The following IFI16 variants were observed in gnomAD, a reference collection of about 807,000 sequenced individuals.
IFI16 encodes interferon gamma inducible protein 16, also known as gamma-interferon-inducible protein 16.
IFI16 carries 49 observed loss-of-function variants against 68.4 expected under a neutral mutation model. The observed-to-expected ratio is 0.72, with a 90% CI of 0.57 to 0.91. IFI16 has a LOEUF of 0.91. IFI16 is among the 40% of genes least tolerant of loss of function. The probability of loss-of-function intolerance (pLI) is 0.00; values close to 1 mark genes in which losing one functional copy is unlikely to be tolerated. For missense variants in IFI16, 878 were observed against 942.9 expected, an observed-to-expected ratio of 0.93 and a Z score of 0.90; for synonymous variants, 307 against 315.0, an observed-to-expected ratio of 0.97 and a Z score of 0.27.
chr1:159,000,656 C>T (rs1362988606), intron 1 of IFI16, among the ~76,000 whole-genome samples: 2 of 152,176 alleles, frequency 1.3e-5, no homozygotes, highest in Non-Finnish European at 2.9e-5. Context: ...AATTTTTTGA[C>T]ATGTATACAG....
At chr1:159,015,131 G>C (rs1391970490) in intron 2 of IFI16, among the ~76,000 whole-genome samples, 186 bp downstream of exon 2, 1 of 152,152 alleles carries the variant, frequency 6.6e-6, no homozygotes, top group South Asian at 2.1e-4. Context: ...TACTGGTGTA[G>C]ATTGAAGTAT....
chr1:159,005,426 T>A (rs1170542376), upstream of IFI16, among the ~76,000 whole-genome samples: 2 of 152,264 alleles, frequency 1.3e-5, no homozygotes, highest in South Asian at 2.1e-4. Flanking sequence ...TCATGACTGG[T>A]TCACATCACT....
chr1:159,016,717 C>T lies in IFI16; in HGVS notation c.549+17C>T, dbSNP rs1470312742. The T allele has an allele frequency of 1.3e-6, 2 of 1,596,364 alleles. No homozygotes were observed. The highest frequency in any genetic ancestry group is 2.7e-5 in the African/African-American group (2 of 74,156). On this transcript the variant is annotated intron_variant, in intron 4 of 11. Transcript: ENST00000295809. Reference sequence around the variant, plus strand: ...TCAACTGAGGTACACTCTTCCTGGTCCCATTTTGCTTTGTTTTTTTCAACC... The same window carrying T: ...TCAACTGAGGTACACTCTTCCTGGTTCCATTTTGCTTTGTTTTTTTCAACC...
chr1:159,047,638 T>A (rs1293486798), intron 8 of IFI16, among the ~76,000 whole-genome samples: 1 of 150,656 alleles, frequency 6.6e-6, no homozygotes, highest in Non-Finnish European at 1.5e-5. Context: ...CACCACGTAG[T>A]CATTTCTTCT....
chr1:159,029,035 G>A (rs923238848), intron 6 of IFI16, among the ~76,000 whole-genome samples: 3 of 152,108 alleles, frequency 2.0e-5, no homozygotes, highest in Non-Finnish European at 4.4e-5. Context: ...CATGCCATTT[G>A]CTGCCTAAAT....
At chr1:159,016,027 AG>A (rs776418331) in intron 3 of IFI16, 40 bp downstream of exon 3, 1 of 1,317,648 alleles carries the variant, frequency 7.6e-7, no homozygotes, top group South Asian at 1.2e-5. Flanking sequence ...AGTCCCACAG[AG>A]GAAGCTCTGC....
chr1:159,052,014 A>G lies in IFI16; in HGVS notation c.2001A>G (p.Arg667=), dbSNP rs1655395013. ...TGGAGATCCCAAAAGGATTGATTAG[A>G]AGTGCCAGCGTAACTCCTAAAATCA... The part of the protein sequence containing the change: ...RNMEIPKGLI[R]SASVTPKINQ... Residue 667 remains arginine (R), a synonymous_variant, in exon 10 of 12, where the codon AGA becomes AGG. Coordinates refer to ENST00000295809, the MANE Select transcript of IFI16 (RefSeq NM_001376587.1). The G allele has an allele frequency of 6.2e-7, 1 of 1,614,078 alleles. No homozygotes were observed. Among genetic ancestry groups the G allele is most frequent in the Non-Finnish European group, 8.5e-7 (1 of 1,179,934 alleles).
At chr1:159,001,795 T>C (rs1652069250), upstream of IFI16, among the ~76,000 whole-genome samples, 1 of 152,222 alleles carries the variant, frequency 6.6e-6, no homozygotes, top group African/African-American at 2.4e-5. Flanking sequence ...AAAATTTACA[T>C]TTTACTCCAT....
intron 9 of IFI16, 110 bp from the exon 10 acceptor site, chr1:159,051,569 G>A: frequency 1.3e-6 from 1 of 789,954 alleles, no homozygotes; most frequent in South Asian, 1.7e-5. Flanking sequence ...ACTTTACCCA[G>A]TTAAGGTGAT....
chr1:159,046,916 C>T (rs1232992067), intron 8 of IFI16, among the ~76,000 whole-genome samples: 2 of 151,096 alleles, frequency 1.3e-5, no homozygotes, highest in African/African-American at 4.9e-5. Flanking sequence ...TTATAGATAC[C>T]CTTTCCTAGG....
chr1:159,027,552 T>A (rs1259256704), intron 6 of IFI16, among the ~76,000 whole-genome samples: 1 of 152,022 alleles, frequency 6.6e-6, no homozygotes, highest in Non-Finnish European at 1.5e-5. Flanking sequence ...ATAGAATGAT[T>A]TAGGGAGGAT....
Position 159,018,526 on chromosome 1 carries a change from G to A in IFI16, c.847G>A (p.Gly283Ser). ...VNEESTVSEA[G>S]PNQTFEVPNK... ...TGAAGAATCTACTGTATCTGAAGCT[G>A]GTCCTAACCAAACGTTTGAGGTTCC... The change falls in exon 5 of 12, where the codon GGT (glycine) becomes AGT (serine). Residue 283 changes from glycine to serine, a missense_variant. Transcript: ENST00000295809. 1.9e-6 allele frequency: 3 copies of A among 1,613,930 alleles called. No homozygotes were observed. In the South Asian group the frequency reaches 3.3e-5, roughly 18 times the overall value.
intron 8 of IFI16, among the ~76,000 whole-genome samples, chr1:159,047,737 C>A (rs1431099856): frequency 6.8e-6 from 1 of 146,718 alleles, no homozygotes; most frequent in African/African-American, 2.5e-5. Context: ...GGAATCCTTG[C>A]TCTTATACAT....
At position 159,044,200 on chromosome 1, in the gene IFI16, T is replaced by A. The variant is rs560469165; in HGVS notation, c.1330-1097T>A. Among the ~76,000 whole-genome samples the A allele has an allele frequency of 5.3e-5, 8 of 152,276 alleles. No homozygotes were observed. The East Asian group carries it at 1.5e-3, about 29-fold the overall frequency. ...AGTCCCATCTCACATGTGGGAAAACTGAGGTGCAAAGAAATCTTCCTCAGG... is the reference window on the plus strand; with the variant it reads ...AGTCCCATCTCACATGTGGGAAAACAGAGGTGCAAAGAAATCTTCCTCAGG... On this transcript the variant is annotated intron_variant, in intron 7 of 11. Transcript: ENST00000295809.
intron 6 of IFI16, among the ~76,000 whole-genome samples, chr1:159,022,589 G>C (rs973109384): frequency 6.6e-6 from 1 of 152,184 alleles, no homozygotes; most frequent in Non-Finnish European, 1.5e-5. Context: ...AAGGAAGGAG[G>C]AAGTAACTTG....
upstream of IFI16, among the ~76,000 whole-genome samples, chr1:159,008,114 T>G (rs1471245262): frequency 1.3e-5 from 2 of 152,132 alleles, no homozygotes; most frequent in Non-Finnish European, 2.9e-5. Context: ...GCCAGAAAGG[T>G]AAAATAGTAA....
chr1:159,026,667 G>A (rs1001326165), intron 6 of IFI16, among the ~76,000 whole-genome samples: 4 of 152,076 alleles, frequency 2.6e-5, no homozygotes, highest in African/African-American at 4.8e-5. Flanking sequence ...ATTTGTTTGC[G>A]TCGTCTATGA....
At chr1:159,026,923 CT>C (rs1653707452) in intron 6 of IFI16, among the ~76,000 whole-genome samples, 1 of 152,064 alleles carries the variant, frequency 6.6e-6, no homozygotes, top group African/African-American at 2.4e-5. Context: ...ATTCTAGGAG[CT>C]TTTTGAATGA....
rs147795049 is a variant in IFI16 at position 159,018,286 on chromosome 1, C to A, written c.607C>A (p.Arg203Ser). 3.1e-6 allele frequency: 5 copies of A among 1,613,942 alleles called. No homozygotes were observed. ...TCCCAGAAGAAATGTTCTCCAAAAA[C>A]GCCCAGTGATAGTGAAGGTACTGAG... is the stretch of plus-strand genomic sequence containing the variant. ...VTPRRNVLQKRPVIVKVLSTT... is the reference protein window; with the variant it reads ...VTPRRNVLQKSPVIVKVLSTT... The change falls in exon 5 of 12, where the codon CGC becomes AGC. Residue 203 changes from arginine (R) to serine (S), a missense_variant. Around this residue, in one of 4 missense-constraint regions of IFI16, gnomAD observed 443 missense variants for 421.8 expected, o/e 1.05. Transcript: ENST00000295809.
Sources: allele counts gnomAD v4.1 joint callset (sites outside exome capture counted in the v4.1 genomes callset), GRCh38; gene constraint gnomAD v4.1.1; regional missense constraint gnomAD v4.1.1; transcripts MANE v1.5; gene names NCBI Gene and HGNC (gene_info 2026-07-23, HGNC 2026-07-21).